Variants in HECW2 observed in about 807,000 individuals in gnomAD.
HECW2 encodes HECT, C2 and WW domain containing E3 ubiquitin protein ligase 2.
In HECW2, 61 loss-of-function variants were observed where a neutral mutation model predicts 175.2. The observed-to-expected ratio is 0.35, with a 90% CI of 0.28 to 0.43. HECW2 has a LOEUF of 0.43. Among genes scored for constraint, HECW2 ranks in the 20% least tolerant of loss-of-function variants. The probability of loss-of-function intolerance (pLI) is 1.00; values close to 1 mark genes in which losing one functional copy is unlikely to be tolerated. For missense variants in HECW2, 1,524 were observed against 2,000.5 expected, an observed-to-expected ratio of 0.76 and a Z score of 4.54; for synonymous variants, 671 against 731.0, an observed-to-expected ratio of 0.92 and a Z score of 1.32.
intron 23 of HECW2, among the ~76,000 whole-genome samples, chr2:196,224,371 G>C (rs1649495999): frequency 6.6e-6 from 1 of 152,144 alleles, no homozygotes; most frequent in African/African-American, 2.4e-5. Context: ...TCATGACTGA[G>C]AGTACAGATT....
At chr2:196,531,174 G>A (rs932452834) in intron 1 of HECW2, among the ~76,000 whole-genome samples, 18 of 152,154 alleles carry the variant, frequency 1.2e-4, no homozygotes, top group Admixed American at 2.6e-4. Flanking sequence ...GAGTGATCAA[G>A]ATAAAAAGAG....
intron 1 of HECW2, among the ~76,000 whole-genome samples, chr2:196,504,527 C>T (rs557451316): frequency 1.3e-5 from 2 of 152,252 alleles, no homozygotes; most frequent in African/African-American, 4.8e-5. Flanking sequence ...CTTCCTCTCT[C>T]TCTATCTATC....
Position 196,306,549 on chromosome 2 carries a change from T to C in HECW2, c.2753A>G (p.Gln918Arg). ...GATGAGGAACTTCACGGGGGGAGAC[T>C]GTAACAGCAACGTGATCCTGGATCT... is the stretch of plus-strand genomic sequence containing the variant. ...TSRSRITLLLQSPPVKFLISP... is the reference protein window; with the variant it reads ...TSRSRITLLLRSPPVKFLISP... Residue 918 changes from glutamine to arginine, a missense_variant, in exon 13 of 29, where the codon CAG becomes CGG. By Grantham distance (43) the Gln-to-Arg change is conservative. Around this residue, in one of 11 missense-constraint regions of HECW2, gnomAD observed 105 missense variants for 98.1 expected, o/e 1.07. Coordinates refer to ENST00000644978, the MANE Select transcript of HECW2 (RefSeq NM_001348768.2). The C allele has an allele frequency of 6.2e-7, 1 of 1,613,000 alleles. No individual in the cohort carries two copies. Among genetic ancestry groups the C allele is most frequent in the Non-Finnish European group, 8.5e-7 (1 of 1,179,528 alleles).
intron 2 of HECW2, among the ~76,000 whole-genome samples, chr2:196,368,938 C>T (rs2105898684): frequency 6.6e-6 from 1 of 152,246 alleles, no homozygotes; most frequent in South Asian, 2.1e-4. Flanking sequence ...CTCTGTCTGA[C>T]TGACCACAAA....
chr2:196,415,719 A>G (rs369588451), intron 2 of HECW2, among the ~76,000 whole-genome samples: 1 of 152,240 alleles, frequency 6.6e-6, no homozygotes, highest in Admixed American at 6.5e-5. Flanking sequence ...AAAAGGAAGG[A>G]CATCCACAAC....
At chr2:196,323,271 T>A (rs1002645869) in intron 6 of HECW2, among the ~76,000 whole-genome samples, 11 of 152,214 alleles carry the variant, frequency 7.2e-5, no homozygotes, top group African/African-American at 2.2e-4. Flanking sequence ...CTGGGGAAAT[T>A]TGGATCGGAC....
At chr2:196,213,244 TA>T (rs1279406077) in intron 28 of HECW2, among the ~76,000 whole-genome samples, 2 of 152,374 alleles carry the variant, frequency 1.3e-5, no homozygotes, top group African/African-American at 2.4e-5. Flanking sequence ...GAGCCAATGT[TA>T]ATAGTTAAAG....
chr2:196,268,864 A>T (rs1689619529), intron 17 of HECW2, among the ~76,000 whole-genome samples: 1 of 152,200 alleles, frequency 6.6e-6, no homozygotes, highest in Non-Finnish European at 1.5e-5. Flanking sequence ...TAACATTTCT[A>T]ATTAGATCAC....
intron 26 of HECW2, among the ~76,000 whole-genome samples, chr2:196,219,278 G>A (rs1014425093): frequency 6.6e-6 from 1 of 152,132 alleles, no homozygotes; most frequent in Non-Finnish European, 1.5e-5. Flanking sequence ...TTCCTAACAT[G>A]GTGATAATTT....
intron 10 of HECW2, 131 bp from the exon 11 acceptor site, chr2:196,308,216 G>A (rs1013707793): frequency 1.2e-5 from 7 of 590,986 alleles, no homozygotes; most frequent in Non-Finnish European, 1.9e-5. Flanking sequence ...ACATCTCACT[G>A]CACTATCCCA....
Position 196,329,607 on chromosome 2 carries a change from T to G in HECW2, c.539A>C (p.His180Pro), listed in dbSNP as rs1692281800. The G allele has an allele frequency of 2.5e-6, 4 of 1,613,614 alleles. No homozygotes were observed. The highest frequency in any genetic ancestry group is 1.7e-6 in the Non-Finnish European group (2 of 1,179,662). The change falls in exon 5 of 29, where the codon CAT (histidine) becomes CCT (proline). Residue 180 changes from histidine (H) to proline (P), a missense_variant. Physicochemically the swap from His to Pro is moderately conservative, Grantham distance 77. Coordinates refer to ENST00000644978, the MANE Select transcript of HECW2 (RefSeq NM_001348768.2). ...GMEGGASGNLHSRKLVSFTLS... is the reference protein window; with the variant it reads ...GMEGGASGNLPSRKLVSFTLS... Reference sequence around the variant, plus strand: ...TGTAAAGCTAACAAGTTTTCGAGAATGCAGGTTTCCTGAAGCACCTCCCTC... The same window carrying G: ...TGTAAAGCTAACAAGTTTTCGAGAAGGCAGGTTTCCTGAAGCACCTCCCTC...
chr2:196,350,975 A>G (rs1693150347), intron 2 of HECW2, among the ~76,000 whole-genome samples: 1 of 152,154 alleles, frequency 6.6e-6, no homozygotes, highest in Admixed American at 6.5e-5. Context: ...CATTCCCTAG[A>G]CATATGTATT....
At chr2:196,220,619 G>C (rs1303264986) in intron 25 of HECW2, among the ~76,000 whole-genome samples, 176 bp downstream of exon 25, 1 of 152,176 alleles carries the variant, frequency 6.6e-6, no homozygotes, top group Admixed American at 6.5e-5. Flanking sequence ...TCGTAACAGT[G>C]AGTTAAGCTT....
At chr2:196,514,748 C>A (rs939637983) in intron 1 of HECW2, among the ~76,000 whole-genome samples, 2 of 152,060 alleles carry the variant, frequency 1.3e-5, no homozygotes, top group Non-Finnish European at 2.9e-5. Flanking sequence ...ATTGGGACGA[C>A]CTGCTTGCAG....
intron 7 of HECW2, among the ~76,000 whole-genome samples, chr2:196,320,925 C>G (rs1049744280): frequency 2.0e-5 from 3 of 152,246 alleles, no homozygotes; most frequent in African/African-American, 7.2e-5. Context: ...ACGTAGGGCA[C>G]TGTGCTATGC....
At chr2:196,253,847 T>G in intron 19 of HECW2, 73 bp downstream of exon 19, 5 of 1,374,912 alleles carry the variant, frequency 3.6e-6, no homozygotes, top group Non-Finnish European at 5.2e-6. Context: ...TGTTCTGTCT[T>G]TAGGGAGGAT....
intron 28 of HECW2, among the ~76,000 whole-genome samples, chr2:196,210,526 T>C (rs773241958): frequency 1.3e-5 from 2 of 152,030 alleles, no homozygotes; most frequent in African/African-American, 4.8e-5. Flanking sequence ...TTGATACATA[T>C]GTAGGTATTT....
chr2:196,567,545 C>A (rs1690228472), intron 1 of HECW2, among the ~76,000 whole-genome samples: 1 of 152,166 alleles, frequency 6.6e-6, no homozygotes, highest in African/African-American at 2.4e-5. Context: ...AAACCTGTCA[C>A]CTGAGACTCC....
chr2:196,381,996 A>G (rs1694218657), intron 2 of HECW2, among the ~76,000 whole-genome samples: 1 of 152,222 alleles, frequency 6.6e-6, no homozygotes, highest in South Asian at 2.1e-4. Flanking sequence ...TTAATAAATT[A>G]TGTTACATCT....
Sources: gnomAD v4.1 joint callset for allele counts (sites outside exome capture counted in the v4.1 genomes callset) on GRCh38, gnomAD v4.1.1 for gene constraint, gnomAD v4.1.1 regional missense constraint, MANE v1.5 for transcripts, NCBI Gene and HGNC (gene_info 2026-07-23, HGNC 2026-07-21) for gene names.